MYH9: variants seen among roughly 807,000 people sequenced by gnomAD.
The protein encoded by MYH9 is myosin-9.
A neutral mutation model predicts 241.9 loss-of-function variants in MYH9; 29 were observed. The ratio of observed to expected loss-of-function variants is 0.12; its 90% CI spans 0.09 to 0.16. MYH9 has a LOEUF of 0.16. Among genes scored for constraint, MYH9 ranks in the 10% least tolerant of loss-of-function variants. The pLI, the probability that MYH9 is intolerant of heterozygous loss-of-function variation, is 1.00. For synonymous variants in MYH9, 1,047 were observed against 1,062.6 expected, an observed-to-expected ratio of 0.99 and a Z score of 0.29; for missense variants, 1,803 against 2,595.5, an observed-to-expected ratio of 0.69 and a Z score of 6.63.
At position 36,285,684 on chromosome 22, in the gene MYH9, C is replaced by T. The variant is rs776352474; in HGVS notation, c.5248G>A (p.Asp1750Asn). 9 of 1,612,694 alleles carry T rather than the reference C, an allele frequency of 5.6e-6. No homozygotes were observed. Among genetic ancestry groups the T allele is most frequent in the East Asian group, 4.5e-5 (2 of 44,890 alleles). Reference protein sequence around the residue: ...EEQGNTELINDRLKKANLQID... With the variant: ...EEQGNTELINNRLKKANLQID... The stretch of plus-strand genomic sequence containing the variant: ...TGCAGGTTGGCCTTCTTCAGCCGGT[C>T]GTTGATCAGCTCCGTGTTGCCCTGC... The change falls in exon 37 of 41, where the codon GAC becomes AAC. Residue 1750 changes from aspartate to asparagine, a missense_variant. This residue lies in a region of MYH9 where 876 missense variants were observed against 1,077.8 expected (regional missense o/e 0.81). Coordinates refer to ENST00000216181, the MANE Select transcript of MYH9 (RefSeq NM_002473.6). The surrounding 1 kb of genome is among the most constrained non-coding windows in gnomAD (Gnocchi z 7.0).
At chr22:36,284,297 G>A (rs575911014) in intron 39 of MYH9, 32 bp from the exon 40 acceptor site, 38 of 1,605,416 alleles carry the variant, frequency 2.4e-5, no homozygotes, top group South Asian at 1.9e-4. Context: ...CCGTGGCCCC[G>A]GTTAGGGGCT....
intron 2 of MYH9, among the ~76,000 whole-genome samples, chr22:36,343,257 C>A (rs2017617503): frequency 6.6e-6 from 1 of 152,174 alleles, no homozygotes; most frequent in Non-Finnish European, 1.5e-5. Flanking sequence ...ACAGCTGAGG[C>A]CACACACAGG....
chr22:36,333,098 A>T (rs2017448882), intron 3 of MYH9, among the ~76,000 whole-genome samples: 1 of 152,242 alleles, frequency 6.6e-6, no homozygotes, highest in Non-Finnish European at 1.5e-5. Context: ...AGGAGCTGGG[A>T]CACACACAGG....
chr22:36,282,882 AACCAGGT>A (rs1354340494), intron 40 of MYH9, 97 bp from the exon 41 acceptor site: 1 of 1,111,202 alleles, frequency 9.0e-7, no homozygotes, highest in East Asian at 2.6e-5. Context: ...TCGAGAGGGA[AACCAGGT>A]GCCTGGCTGC....
intron 1 of MYH9, among the ~76,000 whole-genome samples, chr22:36,382,946 T>G (rs1313717731): frequency 8.5e-5 from 13 of 152,170 alleles, no homozygotes. Context: ...CCTGGCCAGG[T>G]GCAGTATTTC....
rs767888448 is a variant in MYH9 at position 36,288,704 on chromosome 22, G to C, written c.4770+23C>G. On this transcript the variant is annotated intron_variant, in intron 33 of 40. Coordinates refer to ENST00000216181, the MANE Select transcript of MYH9 (RefSeq NM_002473.6). The surrounding 1 kb of genome is among the most constrained non-coding windows in gnomAD (Gnocchi z 4.8). ...GCCAAGGCAGCCTTGGGCACCCATG[G>C]GGTAGCAGGAGGCCATGCACACCTG... 20 of 1,600,252 alleles carry C rather than the reference G, an allele frequency of 1.2e-5. No individual in the cohort carries two copies. In the Middle Eastern group the frequency reaches 5.0e-4, roughly 40 times the overall value.
chr22:36,299,508 C>T (rs2016840915), intron 23 of MYH9, among the ~76,000 whole-genome samples: 1 of 152,206 alleles, frequency 6.6e-6, no homozygotes, highest in Admixed American at 6.5e-5. Flanking sequence ...GCCCCTGCAA[C>T]ACCCCTGCCC....
intron 15 of MYH9, chr22:36,308,882 A>ACTCTGCAACTGAGTGCCTG (rs2017014494): frequency 2.0e-6 from 2 of 984,796 alleles, no homozygotes; most frequent in Non-Finnish European, 2.4e-6. Flanking sequence ...TGCAACAGAG[A>ACTCTGCAACTGAGTGCCTG]GGTTAAAGCA....
At position 36,349,001 on chromosome 22, in the gene MYH9, T is replaced by C; in HGVS notation, c.236A>G (p.Lys79Arg). Reference sequence around the variant, plus strand: ...TGCCATGTCCTCCACCTTGGAGAACTTGGGCGGGTTCATCTTCTGGATGTC... The same window carrying C: ...TGCCATGTCCTCCACCTTGGAGAACCTGGGCGGGTTCATCTTCTGGATGTC... ...KDDIQKMNPPKFSKVEDMAEL... is the reference protein window; with the variant it reads ...KDDIQKMNPPRFSKVEDMAEL... The change falls in exon 2 of 41, where the codon AAG (lysine) becomes AGG (arginine). Residue 79 changes from lysine to arginine, a missense_variant. Physicochemically the swap from Lys to Arg is conservative, Grantham distance 26. This residue lies in a region of MYH9 where 72 missense variants were observed against 134.3 expected (regional missense o/e 0.54). Coordinates refer to ENST00000216181, the MANE Select transcript of MYH9 (RefSeq NM_002473.6). 2 of 1,614,250 alleles carry C rather than the reference T, an allele frequency of 1.2e-6. No individual in the cohort carries two copies. The highest frequency in any genetic ancestry group is 1.7e-6 in the Non-Finnish European group (2 of 1,180,046).
intron 5 of MYH9, among the ~76,000 whole-genome samples, chr22:36,325,623 C>T (rs769102519): frequency 1.1e-4 from 17 of 152,224 alleles, no homozygotes; most frequent in Non-Finnish European, 2.5e-4. Flanking sequence ...TGAGGGCAGC[C>T]GGCCATCTGC....
intron 15 of MYH9, chr22:36,308,958 G>A: frequency 1.3e-6 from 1 of 741,896 alleles, no homozygotes; most frequent in Non-Finnish European, 1.6e-6. Context: ...AAAGCAACCA[G>A]CCTACCAAGG....
In MYH9 at chr22:36,305,805, T is replaced by C; in HGVS notation, c.2159+125A>G. The C allele has an allele frequency of 2.1e-6, 3 of 1,395,586 alleles. No homozygotes were observed. The highest frequency in any genetic ancestry group is 1.4e-5 in the African/African-American group (1 of 70,796). 86.5% of individuals were successfully genotyped at this position (1,395,586 alleles called of 1,614,324 possible). A position where few individuals can be genotyped will look rare whatever the true frequency, so the allele number is the denominator to read the frequency against. On this transcript the variant is annotated intron_variant, in intron 17 of 40. Coordinates refer to ENST00000216181, the MANE Select transcript of MYH9 (RefSeq NM_002473.6). This position sits in a 1 kb window ranked among gnomAD's most constrained non-coding sequence, Gnocchi z 4.7. Reference sequence around the variant, plus strand: ...GTGGGGAAGAGCTGGCCAGACTCAGTTCTACATGGATGGAGGACGTCGCTC... The same window carrying C: ...GTGGGGAAGAGCTGGCCAGACTCAGCTCTACATGGATGGAGGACGTCGCTC...
chr22:36,311,852 CA>C (rs1335567216), intron 14 of MYH9, among the ~76,000 whole-genome samples, 196 bp downstream of exon 14: 3 of 152,160 alleles, frequency 2.0e-5, no homozygotes, highest in Non-Finnish European at 4.4e-5. Flanking sequence ...CAGCATGGAG[CA>C]GGTGAAGGGG....
chr22:36,327,555 G>A (rs1212304986), intron 3 of MYH9, 67 bp from the exon 4 acceptor site: 13 of 1,584,622 alleles, frequency 8.2e-6, no homozygotes, highest in Middle Eastern at 1.7e-4. Flanking sequence ...TGCTCCCAAA[G>A]AGCTGCCCGT....
Position 36,288,769 on chromosome 22 carries a change from C to G in MYH9, c.4728G>C (p.Arg1576=). The part of the protein sequence containing the change: ...KAQFERDLQG[R]DEQSEEKKKQ... The stretch of plus-strand genomic sequence containing the variant: ...TCTTCTTCTCCTCGCTCTGCTCGTC[C>G]CGGCCCTGCAGGTCCCGCTCGAACT... Residue 1576 remains arginine, a synonymous_variant, in exon 33 of 41, where the codon CGG becomes CGC. Coordinates refer to ENST00000216181, the MANE Select transcript of MYH9 (RefSeq NM_002473.6). This position sits in a 1 kb window ranked among gnomAD's most constrained non-coding sequence, Gnocchi z 4.8. The G allele has an allele frequency of 6.2e-7, 1 of 1,609,830 alleles. No homozygotes were observed. The highest frequency in any genetic ancestry group is 1.3e-5 in the African/African-American group (1 of 75,030).
chr22:36,286,707 G>T lies in MYH9; in HGVS notation c.5061+11C>A. On this transcript the variant is annotated intron_variant, in intron 35 of 40. Transcript: ENST00000216181. ...GGCAGCGGTGCCGCTCTCCATTGCAGCCCCACCCACCTCCTGCAACTGGAT... is the reference window on the plus strand; with the variant it reads ...GGCAGCGGTGCCGCTCTCCATTGCATCCCCACCCACCTCCTGCAACTGGAT... The T allele has an allele frequency of 6.2e-7, 1 of 1,611,570 alleles. No homozygotes were observed.
intron 12 of MYH9, among the ~76,000 whole-genome samples, 162 bp downstream of exon 12, chr22:36,316,355 G>GA (rs67607973): frequency 4.0e-4 from 55 of 138,654 alleles, no homozygotes; most frequent in South Asian, 1.4e-3. Context: ...TTTTAAAAAA[G>GA]AAAAAAAAAA....
intron 31 of MYH9, among the ~76,000 whole-genome samples, chr22:36,290,876 G>A (rs1287921736): frequency 2.0e-5 from 3 of 151,548 alleles, no homozygotes; most frequent in Admixed American, 1.3e-4. Context: ...CTGCCCGGCC[G>A]CCCCGTCTGA....
In MYH9 at chr22:36,320,311, G is replaced by A. The variant is rs766489467; in HGVS notation, c.921C>T (p.His307=). The A allele has an allele frequency of 1.1e-5, 18 of 1,614,064 alleles. No individual in the cohort carries two copies. The highest frequency in any genetic ancestry group is 5.5e-5 in the South Asian group (5 of 91,090). The change falls in exon 9 of 41, where the codon CAC becomes CAT. Residue 307 remains histidine (H), a synonymous_variant. Transcript: ENST00000216181. This position sits in a 1 kb window ranked among gnomAD's most constrained non-coding sequence, Gnocchi z 4.8. ...TGTCCTGCTGCCCGGGGATGGTGACGTGTCCATTGGACAGGAAGCGGTATT... is the reference window on the plus strand; with the variant it reads ...TGTCCTGCTGCCCGGGGATGGTGACATGTCCATTGGACAGGAAGCGGTATT... ...YNKYRFLSNG[H]VTIPGQQDKD...
Sources: gnomAD v4.1 joint callset for allele counts (sites outside exome capture counted in the v4.1 genomes callset) on GRCh38, gnomAD v4.1.1 for gene constraint, gnomAD v4.1.1 regional missense constraint, Gnocchi (gnomAD v3.1) non-coding constraint, MANE v1.5 for transcripts, NCBI Gene and HGNC (gene_info 2026-07-23, HGNC 2026-07-21) for gene names.